Variants in BAZ2B observed in about 807,000 individuals in gnomAD.
BAZ2B encodes bromodomain adjacent to zinc finger domain 2B.
BAZ2B carries 91 observed loss-of-function variants against 246.0 expected under a neutral mutation model. That is an observed-to-expected ratio of 0.37 (90% CI 0.31 to 0.44). BAZ2B has a LOEUF of 0.44. Among genes scored for constraint, BAZ2B ranks in the 20% least tolerant of loss-of-function variants. The pLI is 1.00. For missense variants in BAZ2B, 2,332 were observed against 2,533.7 expected, an observed-to-expected ratio of 0.92 and a Z score of 1.71; for synonymous variants, 855 against 860.0, an observed-to-expected ratio of 0.99 and a Z score of 0.10.
chr2:159,353,830 G>C (rs2149200036), intron 27 of BAZ2B, among the ~76,000 whole-genome samples: 1 of 152,246 alleles, frequency 6.6e-6, no homozygotes, highest in Admixed American at 6.5e-5. Flanking sequence ...TTCTAGTTCT[G>C]CCTGACAAAG....
the BAZ2B span, among the ~76,000 whole-genome samples, chr2:159,666,786 C>T: frequency 1.3e-5 from 2 of 151,942 alleles, no homozygotes; most frequent in Non-Finnish European, 2.9e-5. Context: ...ATTCAGGAGG[C>T]GGAGGTTGCA....
chr2:159,654,720 A>G, the BAZ2B span, among the ~76,000 whole-genome samples: 2 of 152,318 alleles, frequency 1.3e-5, no homozygotes, highest in South Asian at 2.1e-4. Flanking sequence ...CACACCTGTA[A>G]TTCCTGCACT....
intron 2 of BAZ2B, among the ~76,000 whole-genome samples, chr2:159,533,181 A>T (rs1408577954): frequency 6.6e-6 from 1 of 152,186 alleles, no homozygotes; most frequent in East Asian, 1.9e-4. Flanking sequence ...AAGCTAGAGA[A>T]AACAGCAATC....
chr2:159,351,250 G>C (rs1417497923), intron 27 of BAZ2B, among the ~76,000 whole-genome samples: 1 of 152,034 alleles, frequency 6.6e-6, no homozygotes, highest in East Asian at 1.9e-4. Flanking sequence ...TAAACTGCTA[G>C]AGGGTTTTAT....
At position 159,439,204 on chromosome 2, in the gene BAZ2B, C is replaced by G; in HGVS notation, c.705G>C (p.Arg235Ser). The change falls in exon 7 of 37, where the codon AGG becomes AGC. Residue 235 changes from arginine (R) to serine (S), a missense_variant. By Grantham distance (110) the Arg-to-Ser change is moderately radical (BLOSUM62 -1). Around this residue, in one of 9 missense-constraint regions of BAZ2B, gnomAD observed 161 missense variants for 225.8 expected, o/e 0.71. Coordinates refer to ENST00000392783, the MANE Select transcript of BAZ2B (RefSeq NM_013450.4). ...RVDKIKDKKP[R>S]KKAMESSSNS... ...TGCTAGAACTTTCCATTGCTTTCTT[C>G]CTTGGTTTCTGGATAACGACAAGGT... 1 of 1,612,722 alleles carries G rather than the reference C, an allele frequency of 6.2e-7. No homozygotes were observed. The highest frequency in any genetic ancestry group is 8.5e-7 in the Non-Finnish European group (1 of 1,179,288).
the BAZ2B span, among the ~76,000 whole-genome samples, chr2:159,698,751 T>G: frequency 6.6e-6 from 1 of 152,154 alleles, no homozygotes; most frequent in Admixed American, 6.5e-5. Flanking sequence ...TTCTCAATAC[T>G]TCTTAGGAGT....
the BAZ2B span, among the ~76,000 whole-genome samples, chr2:159,706,302 T>A: frequency 6.6e-6 from 1 of 152,188 alleles, no homozygotes; most frequent in Non-Finnish European, 1.5e-5. Flanking sequence ...GTAGGTATGA[T>A]ACAATCACAT....
intron 2 of BAZ2B, among the ~76,000 whole-genome samples, chr2:159,515,317 CTT>C (rs1451888268): frequency 6.6e-6 from 1 of 151,982 alleles, no homozygotes; most frequent in Non-Finnish European, 1.5e-5. Context: ...ATTTGTCACT[CTT>C]TACTAAATCA....
chr2:159,343,250 C>T (rs1292114466), intron 31 of BAZ2B, among the ~76,000 whole-genome samples: 1 of 152,130 alleles, frequency 6.6e-6, no homozygotes, highest in Non-Finnish European at 1.5e-5. Context: ...ACCTCTTATC[C>T]TATACAAAAA....
At chr2:159,347,957 G>A (rs1432286604) in intron 30 of BAZ2B, among the ~76,000 whole-genome samples, 1 of 152,096 alleles carries the variant, frequency 6.6e-6, no homozygotes, top group Non-Finnish European at 1.5e-5. Flanking sequence ...ATATCTGTGG[G>A]GGATTGGTTC....
At chr2:159,647,688 G>A in the BAZ2B span, among the ~76,000 whole-genome samples, 1 of 152,222 alleles carries the variant, frequency 6.6e-6, no homozygotes, top group African/African-American at 2.4e-5. Flanking sequence ...ACAACTACAT[G>A]CTTTGCTGTC....
intron 25 of BAZ2B, among the ~76,000 whole-genome samples, chr2:159,381,703 C>T (rs747404197): frequency 6.6e-6 from 1 of 152,118 alleles, no homozygotes; most frequent in Non-Finnish European, 1.5e-5. Context: ...TAATGCTGAC[C>T]ATGCCATTCT....
chr2:159,706,573 C>A, the BAZ2B span, among the ~76,000 whole-genome samples: 1 of 152,216 alleles, frequency 6.6e-6, no homozygotes, highest in South Asian at 2.1e-4. Flanking sequence ...CATGTGCACA[C>A]TTGGCTGAAC....
intron 1 of BAZ2B, among the ~76,000 whole-genome samples, chr2:159,576,408 G>A (rs528949027): frequency 5.4e-4 from 81 of 150,420 alleles, no homozygotes; most frequent in Non-Finnish European, 8.9e-4. Context: ...AAATAAAAAC[G>A]AACAAATAAA....
the BAZ2B span, among the ~76,000 whole-genome samples, chr2:159,698,429 A>G: frequency 6.6e-6 from 1 of 150,608 alleles, no homozygotes; most frequent in Non-Finnish European, 1.5e-5. Context: ...ACTTGAGCCC[A>G]GGAGTTTGAG....
the BAZ2B span, chr2:159,689,770 G>T: frequency 4.0e-6 from 2 of 504,160 alleles, no homozygotes; most frequent in South Asian, 4.4e-5. Context: ...TCAATTTATT[G>T]ACCACTTCTT....
the BAZ2B span, among the ~76,000 whole-genome samples, chr2:159,711,355 G>A: frequency 6.6e-6 from 1 of 152,036 alleles, no homozygotes; most frequent in East Asian, 1.9e-4. Flanking sequence ...ATACCTTTAA[G>A]TCTTTAAAAT....
intron 25 of BAZ2B, among the ~76,000 whole-genome samples, chr2:159,376,830 T>C (rs2061458831): frequency 6.6e-6 from 1 of 152,166 alleles, no homozygotes; most frequent in African/African-American, 2.4e-5. Flanking sequence ...TTTTGGCTAA[T>C]AGTACTTAAA....
At chr2:159,497,965 T>C (rs2151079208) in intron 2 of BAZ2B, among the ~76,000 whole-genome samples, 1 of 152,346 alleles carries the variant, frequency 6.6e-6, no homozygotes, top group South Asian at 2.1e-4. Context: ...GTGACTAACC[T>C]TGGGTCCCAA....
Sources: allele counts gnomAD v4.1 joint callset (sites outside exome capture counted in the v4.1 genomes callset), GRCh38; gene constraint gnomAD v4.1.1; regional missense constraint gnomAD v4.1.1; transcripts MANE v1.5; gene names NCBI Gene and HGNC (gene_info 2026-07-23, HGNC 2026-07-21).